Variants in ROCK1 observed in about 807,000 individuals in gnomAD.
ROCK1 encodes the protein Rho associated coiled-coil containing protein kinase 1, also known as rho-associated protein kinase 1.
A neutral mutation model predicts 196.8 loss-of-function variants in ROCK1; 36 were observed. The observed-to-expected ratio is 0.18, with a 90% CI of 0.14 to 0.24. The LOEUF (loss-of-function observed/expected upper bound fraction) is 0.24, where lower values mean the gene tolerates loss of function less well. Ranked by LOEUF, ROCK1 falls within the 10% of genes least tolerant of loss-of-function variation. The probability of loss-of-function intolerance (pLI) is 1.00; values close to 1 mark genes in which losing one functional copy is unlikely to be tolerated. For synonymous variants in ROCK1, 443 were observed against 515.9 expected (o/e 0.86, Z 1.91); for missense variants, 920 against 1,562.0 (o/e 0.59, Z 6.93).
chr18:21,022,236 T>C (rs1321775202), intron 11 of ROCK1, among the ~76,000 whole-genome samples: 1 of 152,138 alleles, frequency 6.6e-6, no homozygotes, highest in Non-Finnish European at 1.5e-5. Flanking sequence ...TCTGGATATT[T>C]TTCAGAAAAT....
chr18:21,045,505 A>T (rs748700296), intron 4 of ROCK1, 38 bp from the exon 5 acceptor site: 5 of 1,444,232 alleles, frequency 3.5e-6, no homozygotes, highest in African/African-American at 1.4e-5. Flanking sequence ...CACATTCATT[A>T]ATGTTAAACA....
chr18:20,960,126 T>C lies in ROCK1; in HGVS notation c.3423+10A>G. 6.5e-7 allele frequency: 1 copy of C among 1,536,674 alleles called. No homozygotes were observed. The highest frequency in any genetic ancestry group is 9.0e-7 in the Non-Finnish European group (1 of 1,110,106). ...AAATACCAGTTAGAAAATAATTAGG[T>C]ATATGGTACCTGTTTCTTCCAGCCA... On this transcript the variant is annotated intron_variant, in intron 28 of 32. Coordinates refer to ENST00000399799, the MANE Select transcript of ROCK1 (RefSeq NM_005406.3).
At chr18:21,025,359 T>G (rs962411270) in intron 10 of ROCK1, among the ~76,000 whole-genome samples, 1 of 152,230 alleles carries the variant, frequency 6.6e-6, no homozygotes, top group Non-Finnish European at 1.5e-5. Flanking sequence ...GATAAGAATT[T>G]CAGAGGTTTT....
intron 9 of ROCK1, among the ~76,000 whole-genome samples, chr18:21,038,504 A>G (rs1338717963): frequency 6.6e-6 from 1 of 152,186 alleles, no homozygotes; most frequent in Non-Finnish European, 1.5e-5. Context: ...ATATTTGATA[A>G]CTAGAATGCT....
intron 2 of ROCK1, among the ~76,000 whole-genome samples, chr18:21,054,034 G>A (rs892828310): frequency 2.9e-4 from 44 of 152,288 alleles, no homozygotes; most frequent in African/African-American, 1.0e-3. Context: ...ACATATGGTC[G>A]CTGTTGTAGC....
intron 1 of ROCK1, among the ~76,000 whole-genome samples, chr18:21,078,187 G>C (rs1242770565): frequency 6.6e-6 from 1 of 152,076 alleles, no homozygotes; most frequent in Non-Finnish European, 1.5e-5. Flanking sequence ...AAATTAGCCG[G>C]GTGTGGTGGC....
In ROCK1 at chr18:20,984,472, A is replaced by G. The variant is rs148551651; in HGVS notation, c.2368T>C (p.Leu790=). ...SNKRLLLQNE[L]KTQAFEADNL... ...TCTGCCTCAAATGCTTGAGTCTTCA[A>G]TTCATTTTGTAACAACAGCCGCTTA... The change falls in exon 20 of 33, where the codon TTG becomes CTG. Residue 790 remains leucine, a synonymous_variant. Transcript: ENST00000399799. 1.2e-6 allele frequency: 2 copies of G among 1,613,472 alleles called. No individual in the cohort carries two copies. The highest frequency in any genetic ancestry group is 1.7e-6 in the Non-Finnish European group (2 of 1,179,846).
chr18:21,039,594 A>C, intron 8 of ROCK1, 31 bp from the exon 9 acceptor site: 1 of 1,474,418 alleles, frequency 6.8e-7, no homozygotes, highest in Non-Finnish European at 9.5e-7. Flanking sequence ...AAAAGTAATC[A>C]ATCATTTAAG....
intron 5 of ROCK1, among the ~76,000 whole-genome samples, chr18:21,044,628 C>T (rs1471380509): frequency 1.3e-5 from 2 of 152,132 alleles, no homozygotes; most frequent in African/African-American, 4.8e-5. Context: ...AACTATTCGT[C>T]TAATGAATAA....
intron 6 of ROCK1, 99 bp downstream of exon 6, chr18:21,044,003 T>C: frequency 1.4e-6 from 1 of 713,322 alleles, no homozygotes. Context: ...CTATGGTTAG[T>C]AAATTCTTAC....
At chr18:20,982,988 C>T (rs1469673100) in intron 20 of ROCK1, among the ~76,000 whole-genome samples, 156 bp from the exon 21 acceptor site, 1 of 151,898 alleles carries the variant, frequency 6.6e-6, no homozygotes, top group East Asian at 1.9e-4. Context: ...TACTAATTAA[C>T]TTGGTCAGGC....
intron 21 of ROCK1, 129 bp downstream of exon 21, chr18:20,982,634 A>G (rs1198276322): frequency 3.8e-6 from 2 of 530,094 alleles, no homozygotes; most frequent in Admixed American, 3.6e-5. Context: ...AAAGCAGAAA[A>G]GTCACAATGT....
At position 21,043,962 on chromosome 18, in the gene ROCK1, A is replaced by G. The variant is rs2036133381; in HGVS notation, c.675+140T>C. 3 of 578,132 alleles carry G rather than the reference A, an allele frequency of 5.2e-6. No individual in the cohort carries two copies. The African/African-American group carries it at 5.7e-5, about 11-fold the overall frequency. The allele number at this position is 578,132 out of a possible 1,614,324, so 35.8% of individuals were successfully genotyped here. A position where few individuals can be genotyped will look rare whatever the true frequency, so the allele number is the denominator to read the frequency against. On this transcript the variant is annotated intron_variant, in intron 6 of 32. Coordinates refer to ENST00000399799, the MANE Select transcript of ROCK1 (RefSeq NM_005406.3). ...GAAACCATGGTATCTAGTTCAACAAATAAGGTCATATTAATTCTGGACAAG... is the reference window on the plus strand; with the variant it reads ...GAAACCATGGTATCTAGTTCAACAAGTAAGGTCATATTAATTCTGGACAAG...
In ROCK1 at chr18:20,987,074, C is replaced by T. The variant is rs2143398399; in HGVS notation, c.2180G>A (p.Arg727Gln). The T allele has an allele frequency of 6.2e-7, 1 of 1,612,422 alleles. No homozygotes were observed. Among genetic ancestry groups the T allele is most frequent in the Non-Finnish European group, 8.5e-7 (1 of 1,179,660 alleles). Residue 727 changes from arginine (R) to glutamine (Q), a missense_variant, in exon 19 of 33, where the codon CGA becomes CAA. Physicochemically the swap from Arg to Gln is conservative, Grantham distance 43. Coordinates refer to ENST00000399799, the MANE Select transcript of ROCK1 (RefSeq NM_005406.3). The stretch of plus-strand genomic sequence containing the variant: ...AACAACCCGATTTTCAGCCTTCTCT[C>T]GAGCTTCTCTTTCTTCTTTCAGCTT... The part of the protein sequence containing the change: ...EKKLKEEREA[R>Q]EKAENRVVQI...
intron 27 of ROCK1, among the ~76,000 whole-genome samples, chr18:20,960,436 T>C (rs1371496424): frequency 6.6e-6 from 1 of 151,946 alleles, no homozygotes; most frequent in East Asian, 1.9e-4. Flanking sequence ...CATTTAGTAA[T>C]CAATTACAAA....
At chr18:21,021,462 A>G (rs1338748284) in intron 11 of ROCK1, among the ~76,000 whole-genome samples, 4 of 152,192 alleles carry the variant, frequency 2.6e-5, no homozygotes, top group Non-Finnish European at 4.4e-5. Flanking sequence ...GGTAAAAAAG[A>G]GGGAAACAAT....
intron 12 of ROCK1, among the ~76,000 whole-genome samples, chr18:21,017,185 TC>T: frequency 7.0e-6 from 1 of 142,530 alleles, no homozygotes; most frequent in East Asian, 2.0e-4. Flanking sequence ...ATACCACACT[TC>T]TTTTTTTTTT....
intron 26 of ROCK1, 110 bp downstream of exon 26, chr18:20,967,642 C>A: frequency 1.2e-6 from 1 of 835,566 alleles, no homozygotes. Flanking sequence ...ACAGGCAGAA[C>A]CCTTGATTGT....
In ROCK1 at chr18:20,966,675, T is replaced by C. The variant is rs371320291; in HGVS notation, c.3352+242A>G. 1.2e-4 allele frequency among the ~76,000 whole-genome samples: 18 copies of C among 152,348 alleles called. No homozygotes were observed. The East Asian group carries it at 1.9e-3, about 16-fold the overall frequency. ...TCAAAATAGGTTCATAAACCTCTTA[T>C]GGTTTTTATTCAGGTAAAGCTTCTT... On this transcript the variant is annotated intron_variant, in intron 27 of 32. Transcript: ENST00000399799.
Sources: gnomAD v4.1 joint callset for allele counts (sites outside exome capture counted in the v4.1 genomes callset) on GRCh38, gnomAD v4.1.1 for gene constraint, MANE v1.5 for transcripts, NCBI Gene and HGNC (gene_info 2026-07-23, HGNC 2026-07-21) for gene names.